Variants in EVI5 observed in about 807,000 individuals in gnomAD.
The protein encoded by EVI5 is ecotropic viral integration site 5.
In EVI5, 73 loss-of-function variants were observed where a neutral mutation model predicts 112.0. The ratio of observed to expected loss-of-function variants is 0.65; its 90% CI spans 0.54 to 0.79. EVI5 has a LOEUF of 0.79. Ranked by LOEUF, EVI5 falls within the 30% of genes least tolerant of loss-of-function variation. EVI5 has a pLI of 0.00. For missense variants in EVI5, 900 were observed against 968.8 expected, an observed-to-expected ratio of 0.93 and a Z score of 0.94; for synonymous variants, 305 against 319.9, an observed-to-expected ratio of 0.95 and a Z score of 0.50.
At chr1:92,625,060 AT>A (rs1557929098) in intron 15 of EVI5, among the ~76,000 whole-genome samples, 1 of 152,242 alleles carries the variant, frequency 6.6e-6, no homozygotes, top group South Asian at 2.1e-4. Flanking sequence ...TTTCACTGTA[AT>A]TTTTTTAATG....
intron 18 of EVI5, among the ~76,000 whole-genome samples, chr1:92,602,850 C>T (rs1537498): frequency 6.6e-6 from 1 of 152,142 alleles, no homozygotes; most frequent in African/African-American, 2.4e-5. Flanking sequence ...AACCCAGGTA[C>T]GTTGATTCAG....
At chr1:92,653,307 G>A (rs937104560) in intron 13 of EVI5, among the ~76,000 whole-genome samples, 3 of 152,286 alleles carry the variant, frequency 2.0e-5, no homozygotes, top group East Asian at 1.9e-4. Flanking sequence ...CTGCTGCCCC[G>A]AAGAGAAGAA....
At chr1:92,570,304 T>C (rs7517080) in intron 18 of EVI5, among the ~76,000 whole-genome samples, 140,203 of 151,738 alleles carry the variant, frequency 0.92, 64,867 homozygotes, top group South Asian at 0.97. Context: ...AGGTGTTTTT[T>C]TTTTTTTTTG....
chr1:92,738,709 A>G (rs905651929), intron 1 of EVI5, among the ~76,000 whole-genome samples: 1 of 152,224 alleles, frequency 6.6e-6, no homozygotes, highest in African/African-American at 2.4e-5. Flanking sequence ...ATATAGTTAG[A>G]GTATTTAATT....
At chr1:92,523,223 A>G (rs994133950) in intron 19 of EVI5, among the ~76,000 whole-genome samples, 1 of 152,120 alleles carries the variant, frequency 6.6e-6, no homozygotes, top group East Asian at 1.9e-4. Context: ...TTTTTTTAAA[A>G]ATACAGTGAA....
intron 19 of EVI5, among the ~76,000 whole-genome samples, chr1:92,558,836 C>T (rs1668062919): frequency 7.8e-6 from 1 of 129,032 alleles, no homozygotes; most frequent in Non-Finnish European, 1.6e-5. Context: ...ACCCCCATCT[C>T]TAAAAAAAAA....
rs753918401 is a variant in EVI5 at position 92,665,932 on chromosome 1, T to C, written c.1212+7A>G. 10 of 1,587,658 alleles carry C rather than the reference T, an allele frequency of 6.3e-6. No homozygotes were observed. Among genetic ancestry groups the C allele is most frequent in the Non-Finnish European group, 8.6e-6 (10 of 1,163,064 alleles). ...ACAGAAGCTTGCATAAGTAGTCACTTACTTACTTTTTCTAATGTCTCGATG... is the reference window on the plus strand; with the variant it reads ...ACAGAAGCTTGCATAAGTAGTCACTCACTTACTTTTTCTAATGTCTCGATG... On this transcript the variant is annotated splice_region_variant and intron_variant, in intron 11 of 19. Coordinates refer to ENST00000684568, the MANE Select transcript of EVI5 (RefSeq NM_001350197.2).
chr1:92,651,071 T>C (rs1661998832), intron 13 of EVI5, among the ~76,000 whole-genome samples: 2 of 152,342 alleles, frequency 1.3e-5, no homozygotes, highest in East Asian at 3.9e-4. Context: ...CCTGAAATTG[T>C]ATCTGTTTAA....
At chr1:92,591,812 T>C (rs1219438774) in intron 18 of EVI5, among the ~76,000 whole-genome samples, 4 of 152,190 alleles carry the variant, frequency 2.6e-5, no homozygotes, top group African/African-American at 2.4e-5. Flanking sequence ...ATACATTCTT[T>C]TCAGCACCAC....
chr1:92,775,485 C>T (rs1280821227), intron 1 of EVI5, among the ~76,000 whole-genome samples: 1 of 151,754 alleles, frequency 6.6e-6, no homozygotes, highest in East Asian at 1.9e-4. Context: ...TTTGGTGTAT[C>T]TTTGCTGTTT....
chr1:92,567,150 A>T (rs1669627760), intron 18 of EVI5, among the ~76,000 whole-genome samples: 1 of 152,086 alleles, frequency 6.6e-6, no homozygotes, highest in Admixed American at 6.6e-5. Flanking sequence ...TAAAGAGTTA[A>T]AAAAACAGCT....
At chr1:92,548,342 G>A (rs1484629502) in intron 19 of EVI5, among the ~76,000 whole-genome samples, 1 of 152,114 alleles carries the variant, frequency 6.6e-6, no homozygotes, top group African/African-American at 2.4e-5. Context: ...TTGATTGGAC[G>A]TATCTCAAAA....
chr1:92,711,344 A>G (rs1672827245), intron 2 of EVI5, among the ~76,000 whole-genome samples: 1 of 152,244 alleles, frequency 6.6e-6, no homozygotes, highest in Admixed American at 6.5e-5. Flanking sequence ...TATTGTACTC[A>G]GCATAATGTT....
chr1:92,664,292 A>G (rs1466992058), intron 11 of EVI5, among the ~76,000 whole-genome samples: 28 of 152,202 alleles, frequency 1.8e-4, no homozygotes, highest in Admixed American at 1.8e-3. Flanking sequence ...ACAGAATTCA[A>G]TTGATACATA....
chr1:92,566,497 A>G (rs768083722), intron 18 of EVI5, among the ~76,000 whole-genome samples: 10 of 152,262 alleles, frequency 6.6e-5, no homozygotes, highest in African/African-American at 2.4e-4. Flanking sequence ...GGCATATACA[A>G]TTATGCACAG....
chr1:92,713,089 G>C (rs1673084593), intron 2 of EVI5, among the ~76,000 whole-genome samples: 2 of 151,900 alleles, frequency 1.3e-5, no homozygotes, highest in African/African-American at 4.8e-5. Flanking sequence ...GGCCCAGCCT[G>C]AAATTAATTT....
chr1:92,628,693 C>T (rs746294873), intron 14 of EVI5, among the ~76,000 whole-genome samples: 3 of 152,036 alleles, frequency 2.0e-5, no homozygotes, highest in Admixed American at 6.6e-5. Flanking sequence ...GGGAAAGCTC[C>T]CTAGATAAAA....
chr1:92,537,898 G>A (rs1468889041), intron 19 of EVI5, among the ~76,000 whole-genome samples: 7 of 151,796 alleles, frequency 4.6e-5, no homozygotes, highest in African/African-American at 1.7e-4. Context: ...ATAAAATTTA[G>A]AATGAAAAAA....
intron 14 of EVI5, among the ~76,000 whole-genome samples, chr1:92,630,662 C>G (rs1457126186): frequency 1.3e-5 from 2 of 151,798 alleles, no homozygotes; most frequent in African/African-American, 4.8e-5. Context: ...TGCAGAAGCT[C>G]TTTAGTTTAA....
Sources: gnomAD v4.1 joint callset for allele counts (sites outside exome capture counted in the v4.1 genomes callset) on GRCh38, gnomAD v4.1.1 for gene constraint, MANE v1.5 for transcripts, NCBI Gene and HGNC (gene_info 2026-07-23, HGNC 2026-07-21) for gene names.